Variants in AFG3L2 observed in about 807,000 individuals in gnomAD.
AFG3L2 encodes mitochondrial inner membrane m-AAA protease component AFG3L2.
In AFG3L2, 54 loss-of-function variants were observed where a neutral mutation model predicts 94.5. The observed-to-expected ratio is 0.57, with a 90% CI of 0.46 to 0.72. AFG3L2 has a LOEUF of 0.72. Among genes scored for constraint, AFG3L2 ranks in the 30% least tolerant of loss-of-function variants. AFG3L2 has a pLI of 0.00. For missense variants in AFG3L2, 754 were observed against 994.9 expected (o/e 0.76, Z 3.26); for synonymous variants, 377 against 365.5 (o/e 1.03, Z -0.36).
intron 9 of AFG3L2, among the ~76,000 whole-genome samples, chr18:12,354,365 C>T (rs1463737163): frequency 2.0e-5 from 3 of 152,168 alleles, no homozygotes; most frequent in Non-Finnish European, 4.4e-5. Context: ...CAGGAGTCTG[C>T]ATCTTCCCCT....
intron 3 of AFG3L2, among the ~76,000 whole-genome samples, chr18:12,368,526 AATGT>A (rs1426941077): frequency 2.0e-5 from 3 of 152,174 alleles, no homozygotes; most frequent in Non-Finnish European, 4.4e-5. Flanking sequence ...TTTGTAGGGA[AATGT>A]ATGTAAGGAA....
At chr18:12,355,514 T>C (rs911081050) in intron 9 of AFG3L2, among the ~76,000 whole-genome samples, 3 of 152,170 alleles carry the variant, frequency 2.0e-5, no homozygotes, top group Non-Finnish European at 2.9e-5. Context: ...AACAGTCTGG[T>C]GGTTCCTTAA....
intron 1 of AFG3L2, among the ~76,000 whole-genome samples, chr18:12,376,316 C>T (rs1221384140): frequency 1.3e-5 from 2 of 152,204 alleles, no homozygotes; most frequent in Admixed American, 1.3e-4. Flanking sequence ...TGAGACTGAT[C>T]ACGGCCATGG....
At chr18:12,374,620 T>C (rs575853600) in intron 1 of AFG3L2, among the ~76,000 whole-genome samples, 42 of 152,300 alleles carry the variant, frequency 2.8e-4, no homozygotes, top group African/African-American at 7.0e-4. Context: ...GACTTCCTTA[T>C]ACATCAGCAT....
At position 12,367,006 on chromosome 18, in the gene AFG3L2, T is replaced by G. The variant is rs1291751221; in HGVS notation, c.511A>C (p.Thr171Pro). 3 of 1,614,130 alleles carry G rather than the reference T, an allele frequency of 1.9e-6. No homozygotes were observed. The highest frequency in any genetic ancestry group is 2.5e-6 in the Non-Finnish European group (3 of 1,180,040). The change falls in exon 5 of 17, where the codon ACT (threonine) becomes CCT (proline). Residue 171 changes from threonine to proline, a missense_variant. Thr to Pro is a conservative substitution (Grantham distance 38). Coordinates refer to ENST00000269143, the MANE Select transcript of AFG3L2 (RefSeq NM_006796.3). Reference sequence around the variant, plus strand: ...TAGTTATTGACAAAGTCCTTCCAAGTGATTTCTCTCCCGGATCTCTTGAGC... The same window carrying G: ...TAGTTATTGACAAAGTCCTTCCAAGGGATTTCTCTCCCGGATCTCTTGAGC... Reference protein sequence around the residue: ...LLLKRSGREITWKDFVNNYLS... With the variant: ...LLLKRSGREIPWKDFVNNYLS...
intron 14 of AFG3L2, chr18:12,343,768 C>T (rs1054496323): frequency 6.5e-6 from 2 of 306,386 alleles, no homozygotes; most frequent in African/African-American, 2.2e-5. Context: ...ATCTCCTCTA[C>T]CACCTCAGGA....
At chr18:12,349,867 G>A (rs910863113) in intron 12 of AFG3L2, among the ~76,000 whole-genome samples, 13 of 151,554 alleles carry the variant, frequency 8.6e-5, no homozygotes, top group African/African-American at 2.9e-4. Context: ...TCGCCTCATT[G>A]GCCAGGCTGG....
intron 6 of AFG3L2, among the ~76,000 whole-genome samples, chr18:12,361,670 C>A (rs1310328866): frequency 1.3e-5 from 2 of 152,074 alleles, no homozygotes; most frequent in Non-Finnish European, 2.9e-5. Flanking sequence ...AAAAACAAAA[C>A]CTCATAGAGA....
chr18:12,352,664 C>G (rs374341680), intron 10 of AFG3L2, among the ~76,000 whole-genome samples: 2 of 152,210 alleles, frequency 1.3e-5, no homozygotes, highest in African/African-American at 4.8e-5. Flanking sequence ...CATGTTAACA[C>G]CGATATTAAG....
intron 7 of AFG3L2, 36 bp from the exon 8 acceptor site, chr18:12,358,979 C>G: frequency 6.3e-7 from 1 of 1,590,986 alleles, no homozygotes; most frequent in South Asian, 1.1e-5. Flanking sequence ...TTAGGACTGG[C>G]TGCTCACCTC....
rs1027786533 is a variant in AFG3L2 at position 12,374,378 on chromosome 18, T to G, written c.114+2591A>C. On this transcript the variant is annotated intron_variant, in intron 1 of 16. Transcript: ENST00000269143. ...TCCTCTGGGCATCACACCTGAGAAC[T>G]CATCTCTCAACACATCAGAATCTCT... Among the ~76,000 whole-genome samples, 62 of 152,192 alleles carry G rather than the reference T, an allele frequency of 4.1e-4. 2 individuals carry two copies. The highest frequency in any genetic ancestry group is 2.0e-4 in the Admixed American group (3 of 15,274).
At chr18:12,372,440 G>A (rs574320000) in intron 1 of AFG3L2, among the ~76,000 whole-genome samples, 1 of 152,224 alleles carries the variant, frequency 6.6e-6, no homozygotes, top group Non-Finnish European at 1.5e-5. Context: ...GTGCTGGTGA[G>A]AATGTAAAAT....
At chr18:12,365,068 C>T (rs1908765854) in intron 5 of AFG3L2, among the ~76,000 whole-genome samples, 1 of 152,196 alleles carries the variant, frequency 6.6e-6, no homozygotes, top group Non-Finnish European at 1.5e-5. Context: ...TTTCTAACTG[C>T]TTGCTTTGTC....
chr18:12,352,889 A>G, intron 10 of AFG3L2, 116 bp downstream of exon 10: 1 of 1,429,644 alleles, frequency 7.0e-7, no homozygotes, highest in African/African-American at 1.4e-5. Flanking sequence ...CAGGGGTCAG[A>G]GGATGCAGTG....
intron 1 of AFG3L2, among the ~76,000 whole-genome samples, 156 bp downstream of exon 1, chr18:12,376,813 G>A (rs1013467635): frequency 6.6e-6 from 1 of 152,248 alleles, no homozygotes; most frequent in African/African-American, 2.4e-5. Flanking sequence ...CGCTCCCGGG[G>A]CCGGCTGAGA....
chr18:12,333,050 ATAATAGATTATAAT>A, intron 16 of AFG3L2, among the ~76,000 whole-genome samples: 1 of 40,082 alleles, frequency 2.5e-5, no homozygotes, highest in Non-Finnish European at 4.9e-5. Context: ...AATCTATTAT[ATAATAGATTATAAT>A]CTATTATATA....
At chr18:12,355,647 GT>G (rs1908468875) in intron 9 of AFG3L2, among the ~76,000 whole-genome samples, 1 of 151,794 alleles carries the variant, frequency 6.6e-6, no homozygotes, top group South Asian at 2.1e-4. Context: ...CCTTTGGGTA[GT>G]TTGCTTAGGA....
chr18:12,363,338 C>G (rs886905264), intron 6 of AFG3L2, among the ~76,000 whole-genome samples: 79 of 152,174 alleles, frequency 5.2e-4, no homozygotes, highest in African/African-American at 1.8e-3. Context: ...AATAGGAAAT[C>G]AAATGGAAAT....
At chr18:12,329,842 T>C (rs920497186) in intron 16 of AFG3L2, 59 bp from the exon 17 acceptor site, 20 of 1,462,018 alleles carry the variant, frequency 1.4e-5, no homozygotes, top group Non-Finnish European at 1.8e-5. Context: ...TTCAGAAATA[T>C]TAATTTTTTA....
Sources: allele counts gnomAD v4.1 joint callset (sites outside exome capture counted in the v4.1 genomes callset), GRCh38; gene constraint gnomAD v4.1.1; transcripts MANE v1.5; gene names NCBI Gene and HGNC (gene_info 2026-07-23, HGNC 2026-07-21).